The following TBC1D9 variants were observed in gnomAD, a reference collection of about 807,000 sequenced individuals.
TBC1D9 encodes the protein TBC1 domain family member 9.
In TBC1D9, 63 loss-of-function variants were observed where a neutral mutation model predicts 132.0. The ratio of observed to expected loss-of-function variants is 0.48; its 90% CI spans 0.39 to 0.59. TBC1D9 has a LOEUF of 0.59. Ranked by LOEUF, TBC1D9 falls within the 20% of genes least tolerant of loss-of-function variation. The pLI, the probability that TBC1D9 is intolerant of heterozygous loss-of-function variation, is 0.00. For synonymous variants in TBC1D9, 610 were observed against 609.9 expected (o/e 1.00, Z 0.00); for missense variants, 1,261 against 1,592.7 (o/e 0.79, Z 3.54).
At chr4:140,754,407 A>C (rs942458613) in intron 1 of TBC1D9, among the ~76,000 whole-genome samples, 1 of 152,100 alleles carries the variant, frequency 6.6e-6, no homozygotes, top group Admixed American at 6.6e-5. Flanking sequence ...TGAGATCAGG[A>C]GTTCAAGACC....
rs764818370 is a variant in TBC1D9, at chr4:140,622,176, C to G, written c.*19G>C. The stretch of plus-strand genomic sequence containing the variant: ...CCCTCCCCTCCCTCTCCTCCCACTC[C>G]CCCGGGAAGGCGCCCGTGTCAGCCG... On this transcript the variant is annotated 3_prime_UTR_variant, in exon 21 of 21. Coordinates refer to ENST00000442267, the MANE Select transcript of TBC1D9 (RefSeq NM_015130.3). The G allele has an allele frequency of 1.3e-6, 2 of 1,554,836 alleles. No individual in the cohort carries two copies. The highest frequency in any genetic ancestry group is 1.4e-5 in the African/African-American group (1 of 73,876).
intron 13 of TBC1D9, among the ~76,000 whole-genome samples, chr4:140,656,818 A>G (rs192122808): frequency 6.6e-6 from 1 of 152,324 alleles, no homozygotes; most frequent in African/African-American, 2.4e-5. Context: ...GGCACTATAA[A>G]AAGGTCTTAT....
In TBC1D9 at chr4:140,622,849, C is replaced by A. The variant is rs764402743; in HGVS notation, c.3147G>T (p.Leu1049=). The change falls in exon 21 of 21, where the codon CTG becomes CTT. Residue 1049 remains leucine (L), a synonymous_variant. Coordinates refer to ENST00000442267, the MANE Select transcript of TBC1D9 (RefSeq NM_015130.3). The part of the protein sequence containing the change: ...MFSEDPNEQE[L]YHATAAVTSL... ...TGGTCACTGCTGCCGTGGCGTGGTACAGCTCCTGCTCATTGGGGTCTTCGC... is the reference window on the plus strand; with the variant it reads ...TGGTCACTGCTGCCGTGGCGTGGTAAAGCTCCTGCTCATTGGGGTCTTCGC... 3.1e-6 allele frequency: 5 copies of A among 1,592,694 alleles called. No homozygotes were observed. The highest frequency in any genetic ancestry group is 4.3e-6 in the Non-Finnish European group (5 of 1,172,224).
chr4:140,639,171 C>A lies in TBC1D9; in HGVS notation c.2437-17G>T. 6.4e-7 allele frequency: 1 copy of A among 1,555,888 alleles called. No homozygotes were observed. Among genetic ancestry groups the A allele is most frequent in the Non-Finnish European group, 8.7e-7 (1 of 1,147,458 alleles). On this transcript the variant is annotated splice_polypyrimidine_tract_variant and intron_variant, in intron 14 of 20. Coordinates refer to ENST00000442267, the MANE Select transcript of TBC1D9 (RefSeq NM_015130.3). ...GGTTCGTACCTATAAAAATATTAAG[C>A]AAAATGAATTTCACAAACTCAAAAA... is the stretch of plus-strand genomic sequence containing the variant.
intron 2 of TBC1D9, among the ~76,000 whole-genome samples, chr4:140,690,046 G>A (rs1737853034): frequency 6.6e-6 from 1 of 151,722 alleles, no homozygotes; most frequent in Admixed American, 6.6e-5. Context: ...ATAAAGAAAG[G>A]ATAAAGGTTT....
Position 140,659,721 on chromosome 4 carries a change from A to C in TBC1D9, c.1804-16T>G. 1.3e-6 allele frequency: 2 copies of C among 1,534,790 alleles called. No individual in the cohort carries two copies. The highest frequency in any genetic ancestry group is 2.4e-5 in the South Asian group (2 of 84,734). On this transcript the variant is annotated splice_polypyrimidine_tract_variant and intron_variant, in intron 10 of 20. Coordinates refer to ENST00000442267, the MANE Select transcript of TBC1D9 (RefSeq NM_015130.3). ...TATTCATGGCCTAAAAAAGTGAAAG[A>C]GGATGTCATCAAATACAGTTGAAAA...
chr4:140,749,871 T>C (rs186226170), intron 1 of TBC1D9, among the ~76,000 whole-genome samples: 1 of 152,270 alleles, frequency 6.6e-6, no homozygotes, highest in African/African-American at 2.4e-5. Flanking sequence ...GAACATTTCA[T>C]AATGATAAAA....
intron 1 of TBC1D9, among the ~76,000 whole-genome samples, chr4:140,720,408 AG>A (rs1425752455): frequency 6.6e-6 from 1 of 152,238 alleles, no homozygotes; most frequent in Non-Finnish European, 1.5e-5. Context: ...TATGAGGAAG[AG>A]GAGATTTATT....
intron 13 of TBC1D9, chr4:140,645,263 C>CTGTG: frequency 1.9e-6 from 1 of 526,994 alleles, no homozygotes; most frequent in Admixed American, 2.0e-5. Flanking sequence ...ATCTGCTTGG[C>CTGTG]TGTGCTCTTT....
rs141110483 is a variant in TBC1D9, at chr4:140,657,751, G to A, written c.1983C>T (p.Tyr661=). The change falls in exon 12 of 21, where the codon TAC becomes TAT. Residue 661 remains tyrosine (Y), a synonymous_variant. Transcript: ENST00000442267. ...TCACGCCCAGGTCTTGCATGCAGTC[G>A]TACAGCTGTGGGACGTAGTCTCGTG... ...ELARDYVPQL[Y]DCMQDLGVIS... 1,141 of 1,613,990 alleles carry A rather than the reference G, an allele frequency of 7.1e-4. 7 individuals carry two copies. The African/African-American group carries it at 0.013, about 18-fold the overall frequency.
At chr4:140,726,735 G>T (rs140900773) in intron 1 of TBC1D9, among the ~76,000 whole-genome samples, 122 of 152,316 alleles carry the variant, frequency 8.0e-4, no homozygotes, top group African/African-American at 2.9e-3. Flanking sequence ...GACTTGATCA[G>T]AAATGCTGTA....
In TBC1D9 at chr4:140,623,124, G is replaced by A. The variant is rs193117833; in HGVS notation, c.3079-207C>T. On this transcript the variant is annotated intron_variant, in intron 20 of 20. Coordinates refer to ENST00000442267, the MANE Select transcript of TBC1D9 (RefSeq NM_015130.3). The stretch of plus-strand genomic sequence containing the variant: ...TTTTGAGACAGGGTCTCTCTTTGTC[G>A]CCCAGGCTGGAGTGCAGTGGTGCAA... Among the ~76,000 whole-genome samples, 837 of 151,966 alleles carry A rather than the reference G, an allele frequency of 5.5e-3. 5 individuals are homozygous for A. Among genetic ancestry groups the A allele is most frequent in the African/African-American group, 0.018 (764 of 41,434 alleles).
intron 16 of TBC1D9, among the ~76,000 whole-genome samples, chr4:140,631,749 A>C (rs560850092): frequency 5.9e-5 from 9 of 152,030 alleles, no homozygotes; most frequent in Non-Finnish European, 1.0e-4. Context: ...GGGACCTGCC[A>C]CCACGCCTGG....
At chr4:140,682,878 C>T (rs950742644) in intron 3 of TBC1D9, among the ~76,000 whole-genome samples, 1 of 152,106 alleles carries the variant, frequency 6.6e-6, no homozygotes, top group Admixed American at 6.5e-5. Context: ...AGAGTGCTCA[C>T]TGAATTTATT....
chr4:140,669,625 G>A lies in TBC1D9; in HGVS notation c.1437+9C>T. ...TACAAAGTTTCAGGGAAAAGTGAGA[G>A]GCACCCACCAATTTCGGGTTGAACT... On this transcript the variant is annotated intron_variant, in intron 8 of 20. Transcript: ENST00000442267. 1 of 1,597,524 alleles carries A rather than the reference G, an allele frequency of 6.3e-7. No individual in the cohort carries two copies. The highest frequency in any genetic ancestry group is 8.6e-7 in the Non-Finnish European group (1 of 1,166,440).
At chr4:140,658,653 T>C (rs2110997991) in intron 11 of TBC1D9, among the ~76,000 whole-genome samples, 2 of 151,952 alleles carry the variant, frequency 1.3e-5, no homozygotes, top group Admixed American at 1.3e-4. Context: ...CTACTGAAAA[T>C]ACAAAAATTA....
intron 1 of TBC1D9, among the ~76,000 whole-genome samples, chr4:140,707,483 A>C (rs1738166512): frequency 6.6e-6 from 1 of 152,140 alleles, no homozygotes; most frequent in Admixed American, 6.5e-5. Flanking sequence ...CCAGTGCATC[A>C]CTTCCATGCC....
At chr4:140,744,550 T>C (rs1050317161) in intron 1 of TBC1D9, among the ~76,000 whole-genome samples, 2 of 152,176 alleles carry the variant, frequency 1.3e-5, no homozygotes, top group African/African-American at 2.4e-5. Flanking sequence ...ACTTGCCATC[T>C]ATTCCCACTA....
At chr4:140,661,165 T>C (rs10030163) in intron 10 of TBC1D9, among the ~76,000 whole-genome samples, 101,741 of 151,986 alleles carry the variant, frequency 0.67, 34,117 homozygotes, top group South Asian at 0.7. Flanking sequence ...CCTCCGGCCT[T>C]GGCTTACCAA....
Sources: allele counts gnomAD v4.1 joint callset (sites outside exome capture counted in the v4.1 genomes callset), GRCh38; gene constraint gnomAD v4.1.1; transcripts MANE v1.5; gene names NCBI Gene and HGNC (gene_info 2026-07-23, HGNC 2026-07-21).